The following ARHGEF37 variants were observed in gnomAD, a reference collection of about 807,000 sequenced individuals.
ARHGEF37 encodes the protein Rho guanine nucleotide exchange factor (GEF) 37.
A neutral mutation model predicts 71.1 loss-of-function variants in ARHGEF37; 55 were observed. That is an observed-to-expected ratio of 0.77 (90% confidence interval 0.62 to 0.97). ARHGEF37 has a LOEUF of 0.97. ARHGEF37 is among the 50% of genes least tolerant of loss of function. The probability of loss-of-function intolerance (pLI) is 0.00; values close to 1 mark genes in which losing one functional copy is unlikely to be tolerated. For missense variants in ARHGEF37, 765 were observed against 836.8 expected (o/e 0.91, Z 1.06); for synonymous variants, 327 against 350.6 (o/e 0.93, Z 0.75).
intron 12 of ARHGEF37, among the ~76,000 whole-genome samples, chr5:149,629,824 C>T (rs762218703): frequency 2.6e-5 from 4 of 152,178 alleles, no homozygotes; most frequent in South Asian, 2.1e-4. Context: ...ATAAACACAA[C>T]GCGAGCTCTT....
chr5:149,559,495 T>C (rs1762800613), intron 1 of ARHGEF37, among the ~76,000 whole-genome samples: 1 of 152,202 alleles, frequency 6.6e-6, no homozygotes, highest in Non-Finnish European at 1.5e-5. Flanking sequence ...ATCTAACCAA[T>C]CCTCGTTGAG....
At position 149,597,834 on chromosome 5, in the gene ARHGEF37, C is replaced by T; in HGVS notation, c.65C>T (p.Ala22Val). 7 of 1,604,656 alleles carry T rather than the reference C, an allele frequency of 4.4e-6. No homozygotes were observed. The highest frequency in any genetic ancestry group is 6.0e-6 in the Non-Finnish European group (7 of 1,176,152). The stretch of plus-strand genomic sequence containing the variant: ...GGGAGTCCGGACAGGGAAGGTAGGG[C>T]CTCTGAGGACAGATCGCTGCTTCAT... The part of the protein sequence containing the change: ...RSGSPDREGR[A>V]SEDRSLLHQR... Residue 22 changes from alanine (A) to valine (V), a missense_variant, in exon 2 of 13, where the codon GCC becomes GTC. Physicochemically the swap from Ala to Val is moderately conservative, Grantham distance 64. This residue lies in a region of ARHGEF37 where 201 missense variants were observed against 217.5 expected (regional missense o/e 0.92). Transcript: ENST00000333677.
At chr5:149,584,440 A>G (rs565360461) in intron 1 of ARHGEF37, among the ~76,000 whole-genome samples, 2 of 152,202 alleles carry the variant, frequency 1.3e-5, no homozygotes, top group East Asian at 3.9e-4. Flanking sequence ...CTCACTTCCA[A>G]TCATTTATTT....
intron 1 of ARHGEF37, among the ~76,000 whole-genome samples, chr5:149,587,540 T>C (rs79210122): frequency 3.2e-3 from 489 of 152,316 alleles, no homozygotes; most frequent in African/African-American, 0.011. Flanking sequence ...AATCAGCATT[T>C]GAAATGACAT....
At chr5:149,565,659 G>A (rs2113238834) in intron 1 of ARHGEF37, among the ~76,000 whole-genome samples, 1 of 152,220 alleles carries the variant, frequency 6.6e-6, no homozygotes, top group South Asian at 2.1e-4. Flanking sequence ...ACTGCACTAA[G>A]TGCCAGGACT....
intron 1 of ARHGEF37, among the ~76,000 whole-genome samples, chr5:149,569,477 G>A (rs562589102): frequency 2.1e-4 from 32 of 151,048 alleles, no homozygotes; most frequent in African/African-American, 7.8e-4. Flanking sequence ...CTGTCACCAC[G>A]CCCGACTAAT....
chr5:149,599,306 A>G (rs1187749551), intron 2 of ARHGEF37, among the ~76,000 whole-genome samples: 1 of 152,186 alleles, frequency 6.6e-6, no homozygotes, highest in African/African-American at 2.4e-5. Flanking sequence ...AGGCCTGCTC[A>G]GCCACAGGAG....
chr5:149,618,182 A>T lies in ARHGEF37; in HGVS notation c.665A>T (p.Lys222Met), dbSNP rs1231200550. The T allele has an allele frequency of 1.2e-6, 2 of 1,614,030 alleles. No homozygotes were observed. Among genetic ancestry groups the T allele is most frequent in the Non-Finnish European group, 1.7e-6 (2 of 1,180,014 alleles). The change falls in exon 6 of 13, where the codon AAG (lysine) becomes ATG (methionine). Residue 222 changes from lysine (K) to methionine (M), a missense_variant. Lys to Met is a moderately conservative substitution (Grantham distance 95). Coordinates refer to ENST00000333677, the MANE Select transcript of ARHGEF37 (RefSeq NM_001001669.3). Reference sequence around the variant, plus strand: ...CTCTTCTCTGTCGTTGCAGCCTCCAAGTACACCAAGGTAGAGCAGCTGACC... The same window carrying T: ...CTCTTCTCTGTCGTTGCAGCCTCCATGTACACCAAGGTAGAGCAGCTGACC... The part of the protein sequence containing the change: ...EYKMRKEVAS[K>M]YTKVEQLTLR...
chr5:149,607,285 C>T (rs1408067141), intron 3 of ARHGEF37, among the ~76,000 whole-genome samples: 1 of 152,224 alleles, frequency 6.6e-6, no homozygotes, highest in East Asian at 1.9e-4. Context: ...CCACACTTGC[C>T]TTCTTGCTGT....
rs1752547933 is a variant in ARHGEF37, at chr5:149,621,797, C to T, written c.1070C>T (p.Pro357Leu). 1 of 1,614,130 alleles carries T rather than the reference C, an allele frequency of 6.2e-7. No homozygotes were observed. The highest frequency in any genetic ancestry group is 8.5e-7 in the Non-Finnish European group (1 of 1,180,042). ...LCSLAKALLG[P>L]QNLIKKRLDK... ...AGCCTGGCCAAAGCCCTGCTTGGCC[C>T]TCAGAACCTGATCAAGAAGCGTCTG... Residue 357 changes from proline to leucine, a missense_variant, in exon 9 of 13, where the codon CCT becomes CTT. Coordinates refer to ENST00000333677, the MANE Select transcript of ARHGEF37 (RefSeq NM_001001669.3).
intron 1 of ARHGEF37, among the ~76,000 whole-genome samples, chr5:149,583,883 T>C (rs551316833): frequency 8.5e-5 from 13 of 152,132 alleles, no homozygotes; most frequent in African/African-American, 2.9e-4. Flanking sequence ...GCCTCAGCCT[T>C]CTGAGTAGCT....
At chr5:149,594,215 G>T (rs1023306784) in intron 1 of ARHGEF37, among the ~76,000 whole-genome samples, 1 of 152,190 alleles carries the variant, frequency 6.6e-6, no homozygotes, top group Non-Finnish European at 1.5e-5. Flanking sequence ...GCAAATTAAT[G>T]CTGTTGTAAG....
intron 1 of ARHGEF37, among the ~76,000 whole-genome samples, chr5:149,552,645 C>T (rs1338349404): frequency 6.6e-6 from 1 of 152,078 alleles, no homozygotes; most frequent in East Asian, 1.9e-4. Flanking sequence ...CGAGACCAGC[C>T]TGGCCAACAT....
At chr5:149,565,941 C>G (rs747095715) in intron 1 of ARHGEF37, among the ~76,000 whole-genome samples, 2 of 149,042 alleles carry the variant, frequency 1.3e-5, no homozygotes, top group Non-Finnish European at 3.0e-5. Flanking sequence ...CCTCCGCCTC[C>G]CAGGTACAAG....
chr5:149,624,557 T>G (rs1458743306), intron 10 of ARHGEF37, among the ~76,000 whole-genome samples: 1 of 152,170 alleles, frequency 6.6e-6, no homozygotes, highest in East Asian at 1.9e-4. Context: ...GTGGATCACT[T>G]GAGGCCAAGA....
chr5:149,608,405 C>G (rs1763977362), intron 3 of ARHGEF37, among the ~76,000 whole-genome samples: 1 of 151,270 alleles, frequency 6.6e-6, no homozygotes, highest in African/African-American at 2.4e-5. Context: ...GTGTCTTGCT[C>G]TGTTGTGCAG....
chr5:149,599,251 C>T (rs559107018), intron 2 of ARHGEF37, among the ~76,000 whole-genome samples: 38 of 152,266 alleles, frequency 2.5e-4, no homozygotes, highest in Non-Finnish European at 3.5e-4. Flanking sequence ...GGAGGACATA[C>T]GCCCACAGCC....
chr5:149,553,721 G>A (rs1762715862), intron 1 of ARHGEF37, among the ~76,000 whole-genome samples: 1 of 152,206 alleles, frequency 6.6e-6, no homozygotes, highest in African/African-American at 2.4e-5. Context: ...GAGGATGTGA[G>A]AAAAGTAAGC....
intron 8 of ARHGEF37, 36 bp from the exon 9 acceptor site, chr5:149,621,697 T>C: frequency 6.3e-7 from 1 of 1,575,686 alleles, no homozygotes. Context: ...CTTTGCCACC[T>C]CCTTTCCCGA....
Sources: allele counts gnomAD v4.1 joint callset (sites outside exome capture counted in the v4.1 genomes callset), GRCh38; gene constraint gnomAD v4.1.1; regional missense constraint gnomAD v4.1.1; transcripts MANE v1.5; gene names NCBI Gene and HGNC (gene_info 2026-07-23, HGNC 2026-07-21).